Variants in STK32B observed in about 807,000 individuals in gnomAD.
STK32B encodes serine/threonine-protein kinase 32B.
Under a neutral mutation model 52.6 loss-of-function variants are expected in STK32B, and 43 were observed. The ratio of observed to expected loss-of-function variants is 0.82; its 90% confidence interval spans 0.64 to 1.05. The LOEUF is 1.05. STK32B is among the 50% of genes least tolerant of loss of function. The pLI, the probability that STK32B is intolerant of heterozygous loss-of-function variation, is 0.00. For missense variants in STK32B, 621 were observed against 534.6 expected (o/e 1.16, Z -1.59); for synonymous variants, 238 against 204.3 (o/e 1.17, Z -1.41).
chr4:5,200,253 C>T (rs1258651388), intron 3 of STK32B, among the ~76,000 whole-genome samples: 16 of 142,354 alleles, frequency 1.1e-4, no homozygotes, highest in African/African-American at 3.3e-4. Context: ...CTCTTCTGCT[C>T]TTTTTTTTTT....
intron 7 of STK32B, among the ~76,000 whole-genome samples, chr4:5,447,575 G>T (rs560625563): frequency 1.3e-5 from 2 of 152,222 alleles, no homozygotes; most frequent in Non-Finnish European, 2.9e-5. Flanking sequence ...GGTCAAGGCT[G>T]CAGTGAGCCA....
chr4:5,493,930 T>C (rs1470657778), intron 11 of STK32B, among the ~76,000 whole-genome samples: 1 of 152,300 alleles, frequency 6.6e-6, no homozygotes, highest in African/African-American at 2.4e-5. Flanking sequence ...TTGATAGCAC[T>C]GTGGTCTGAG....
chr4:5,072,152 T>G (rs1046626968), intron 1 of STK32B, among the ~76,000 whole-genome samples: 7 of 152,176 alleles, frequency 4.6e-5, no homozygotes, highest in Non-Finnish European at 1.0e-4. Context: ...GGGATGAGTT[T>G]AAAGTAATAG....
intron 3 of STK32B, among the ~76,000 whole-genome samples, chr4:5,182,559 T>G (rs1720444134): frequency 6.6e-6 from 1 of 152,072 alleles, no homozygotes; most frequent in South Asian, 2.1e-4. Flanking sequence ...CCTCCCGGGT[T>G]CAAGAGATTT....
rs114236083 is a variant in STK32B at position 5,275,850 on chromosome 4, C to T, written c.261-55370C>T. Among the ~76,000 whole-genome samples, 546 of 152,082 alleles carry T rather than the reference C, an allele frequency of 3.6e-3. 3 individuals carry two copies. Among genetic ancestry groups the T allele is most frequent in the African/African-American group, 0.013 (523 of 41,468 alleles). On this transcript the variant is annotated intron_variant, in intron 3 of 11. Transcript: ENST00000282908. Reference sequence around the variant, plus strand: ...GAAGGAGAAGGGGGATGCCAGTGCCCTCTCATGTAAGATTTGTAGTATTTT... The same window carrying T: ...GAAGGAGAAGGGGGATGCCAGTGCCTTCTCATGTAAGATTTGTAGTATTTT...
At chr4:5,147,315 ATTAG>A (rs1008710832) in intron 2 of STK32B, among the ~76,000 whole-genome samples, 6 of 152,034 alleles carry the variant, frequency 3.9e-5, no homozygotes, top group African/African-American at 1.5e-4. Context: ...TAATTAAATA[ATTAG>A]TTGTGATAGT....
chr4:5,077,800 GT>G (rs1712171467), intron 1 of STK32B, among the ~76,000 whole-genome samples: 2 of 152,114 alleles, frequency 1.3e-5, no homozygotes, highest in African/African-American at 4.8e-5. Flanking sequence ...CATTTTAACA[GT>G]TTCAAGCCTA....
intron 1 of STK32B, among the ~76,000 whole-genome samples, chr4:5,059,101 G>A (rs1335049230): frequency 3.9e-5 from 5 of 126,806 alleles, no homozygotes; most frequent in African/African-American, 1.5e-4. Context: ...AGGTTTTGGG[G>A]TCTGTTGCCC....
Position 5,429,593 on chromosome 4 carries a change from GTCAA to G in STK32B, c.562+12661_562+12664del, listed in dbSNP as rs554146349. ...ATTGAATTTATTTTTGCTTCAAATAGTCAATTATATTTTGCAGTGGTTAAAAATA... is the reference window on the plus strand; with the variant it reads ...ATTGAATTTATTTTTGCTTCAAATAGTTATATTTTGCAGTGGTTAAAAATA... On this transcript the variant is annotated intron_variant, in intron 6 of 11. Transcript: ENST00000282908. 6.6e-5 allele frequency among the ~76,000 whole-genome samples: 10 copies of G among 151,638 alleles called. No individual in the cohort carries two copies. The South Asian group carries it at 8.3e-4, about 13-fold the overall frequency.
intron 4 of STK32B, among the ~76,000 whole-genome samples, chr4:5,365,948 C>A (rs1320065891): frequency 6.6e-6 from 1 of 152,054 alleles, no homozygotes; most frequent in East Asian, 2.0e-4. Flanking sequence ...CCACACTCCT[C>A]AGTGTTTACA....
At position 5,467,865 on chromosome 4, in the gene STK32B, C is replaced by T; in HGVS notation, c.1042-141C>T. On this transcript the variant is annotated intron_variant, in intron 10 of 11. Transcript: ENST00000282908. The surrounding 1 kb of genome is among the most constrained non-coding windows in gnomAD (Gnocchi z 5.8). The stretch of plus-strand genomic sequence containing the variant: ...GCCACCCATGCAGTCAGGGTCAGCC[C>T]CAGACACTTAGCTTGGCTTGTCCCG... 2.2e-6 allele frequency: 2 copies of T among 893,670 alleles called. No individual in the cohort carries two copies. 55.4% of individuals were successfully genotyped at this position (893,670 alleles called of 1,614,324 possible). A position where few individuals can be genotyped will look rare whatever the true frequency, so the allele number is the denominator to read the frequency against.
At chr4:5,025,701 G>A in the STK32B span, among the ~76,000 whole-genome samples, 42 of 152,136 alleles carry the variant, frequency 2.8e-4, no homozygotes, top group African/African-American at 2.4e-5. Context: ...TTCTGGGCTT[G>A]CTCTCAAAGA....
intron 4 of STK32B, among the ~76,000 whole-genome samples, chr4:5,360,806 C>G (rs543355374): frequency 4.6e-5 from 7 of 152,190 alleles, no homozygotes; most frequent in African/African-American, 1.7e-4. Context: ...AACTCCGTCT[C>G]AAACAAACAA....
intron 1 of STK32B, among the ~76,000 whole-genome samples, chr4:5,089,586 T>C (rs1165466098): frequency 1.3e-5 from 2 of 152,236 alleles, no homozygotes; most frequent in East Asian, 1.9e-4. Flanking sequence ...CAGTCTATCA[T>C]TGATGGGCAT....
Position 5,254,965 on chromosome 4 carries a change from A to AATATATATATATATAT in STK32B, c.261-76243_261-76242insATATATATATATATAT, listed in dbSNP as rs146017036. On this transcript the variant is annotated intron_variant, in intron 3 of 11. Coordinates refer to ENST00000282908, the MANE Select transcript of STK32B (RefSeq NM_018401.3). ...TTATTACTAGTTGGTATCATTCACT[A>AATATATATATATATAT]ATATATATATATGTTTATTGAGCAT... Among the ~76,000 whole-genome samples the AATATATATATATATAT allele has an allele frequency of 1.2e-4, 18 of 144,410 alleles. 1 individual carries two copies. Among genetic ancestry groups the AATATATATATATATAT allele is most frequent in the African/African-American group, 4.3e-4 (16 of 37,050 alleles). 94.7% of individuals were successfully genotyped at this position (144,410 alleles called of 152,430 possible).
intron 3 of STK32B, among the ~76,000 whole-genome samples, chr4:5,199,933 G>A (rs1020408345): frequency 1.3e-5 from 2 of 152,180 alleles, no homozygotes; most frequent in Admixed American, 1.3e-4. Flanking sequence ...TAATGAATAT[G>A]TTTGTGTCTG....
intron 4 of STK32B, among the ~76,000 whole-genome samples, chr4:5,331,899 G>A (rs1361689354): frequency 1.3e-5 from 2 of 152,196 alleles, no homozygotes; most frequent in Non-Finnish European, 2.9e-5. Context: ...GCTATGCACA[G>A]CAGTGCCATG....
intron 6 of STK32B, among the ~76,000 whole-genome samples, chr4:5,434,005 T>G (rs1208091695): frequency 2.0e-5 from 3 of 152,224 alleles, no homozygotes; most frequent in Non-Finnish European, 4.4e-5. Flanking sequence ...AAACTCACTT[T>G]TCATTTCAAA....
intron 5 of STK32B, among the ~76,000 whole-genome samples, chr4:5,410,593 T>C (rs1292822216): frequency 1.3e-5 from 2 of 152,130 alleles, no homozygotes; most frequent in African/African-American, 4.8e-5. Context: ...GCTGTGGTCT[T>C]GGAGGTCCCA....
Sources: gnomAD v4.1 joint callset for allele counts (sites outside exome capture counted in the v4.1 genomes callset) on GRCh38, gnomAD v4.1.1 for gene constraint, Gnocchi (gnomAD v3.1) non-coding constraint, MANE v1.5 for transcripts, NCBI Gene and HGNC (gene_info 2026-07-23, HGNC 2026-07-21) for gene names.